AEBP2: variants seen among roughly 807,000 people sequenced by gnomAD.
AEBP2 encodes AE binding protein 2, also known as zinc finger protein AEBP2.
In AEBP2, 10 loss-of-function variants were observed where a neutral mutation model predicts 50.8. The ratio of observed to expected loss-of-function variants is 0.20; its 90% CI spans 0.12 to 0.33. The LOEUF (loss-of-function observed/expected upper bound fraction) is 0.33. AEBP2 is among the 10% of genes least tolerant of loss of function. The pLI is 1.00. For synonymous variants in AEBP2, 296 were observed against 261.3 expected (o/e 1.13, Z -1.28); for missense variants, 570 against 688.0 (o/e 0.83, Z 1.92).
chr12:19,457,332 G>A lies in AEBP2; in HGVS notation c.672-5178G>A, dbSNP rs1373807812. 6.9e-5 allele frequency: 103 copies of A among 1,488,826 alleles called. 1 individual carries two copies. Among genetic ancestry groups the A allele is most frequent in the South Asian group, 3.9e-4 (34 of 87,244 alleles). 92.2% of individuals were successfully genotyped at this position (1,488,826 alleles called of 1,614,324 possible). Reference sequence around the variant, plus strand: ...CAGCCTGAGATGTCCCTGTAATCATGTTTTTGATGAAGTCTCTGTGGTTAA... The same window carrying A: ...CAGCCTGAGATGTCCCTGTAATCATATTTTTGATGAAGTCTCTGTGGTTAA... On this transcript the variant is annotated intron_variant, in intron 1 of 7. Coordinates refer to ENST00000266508, the MANE Select transcript of AEBP2 (RefSeq NM_153207.5).
chr12:19,504,488 C>T lies in AEBP2; in HGVS notation c.1299+4267C>T, dbSNP rs143412996. On this transcript the variant is annotated intron_variant, in intron 5 of 7. Coordinates refer to ENST00000266508, the MANE Select transcript of AEBP2 (RefSeq NM_153207.5). The stretch of plus-strand genomic sequence containing the variant: ...ATCTCCTGACCTTGTGATCCACCCA[C>T]CTCGGCCTCCCAAAGCCCTGGGATT... Among the ~76,000 whole-genome samples the T allele has an allele frequency of 7.2e-3, 1,088 of 152,120 alleles. 7 individuals are homozygous for T. Among genetic ancestry groups the T allele is most frequent in the Non-Finnish European group, 0.011 (749 of 68,012 alleles).
At chr12:19,508,999 C>A in intron 5 of AEBP2, 54 of 517,330 alleles carry the variant, frequency 1.0e-4, no homozygotes, top group East Asian at 3.7e-4. Flanking sequence ...GAGTTGTTTA[C>A]CTTTTTACTA....
chr12:19,446,204 C>G (rs913083970), intron 1 of AEBP2: 3 of 152,244 alleles, frequency 2.0e-5, no homozygotes, highest in Admixed American at 6.5e-5. Flanking sequence ...CCATTGCGCC[C>G]CATTTAGTGA....
At chr12:19,459,538 A>G (rs1258509312) in intron 1 of AEBP2, among the ~76,000 whole-genome samples, 2 of 152,104 alleles carry the variant, frequency 1.3e-5, no homozygotes, top group Non-Finnish European at 2.9e-5. Context: ...GCCGGGGGAA[A>G]CTTGAAATTT....
At chr12:19,446,316 C>G (rs1176815859) in intron 1 of AEBP2, among the ~76,000 whole-genome samples, 1 of 152,124 alleles carries the variant, frequency 6.6e-6, no homozygotes, top group Non-Finnish European at 1.5e-5. Context: ...ATGGTGCATT[C>G]AAATTAGAAC....
intron 2 of AEBP2, among the ~76,000 whole-genome samples, chr12:19,471,555 G>A (rs1187113046): frequency 6.6e-6 from 1 of 151,838 alleles, no homozygotes; most frequent in East Asian, 1.9e-4. Context: ...ACACTGGAGT[G>A]CAGTAGTGCC....
chr12:19,414,188 G>A (rs745903236), intron 1 of AEBP2, among the ~76,000 whole-genome samples: 12 of 152,100 alleles, frequency 7.9e-5, no homozygotes, highest in African/African-American at 2.9e-4. Flanking sequence ...CATTGCGCCC[G>A]GCCAACAAGG....
intron 4 of AEBP2, among the ~76,000 whole-genome samples, chr12:19,496,634 C>G (rs75696533): frequency 7.1e-4 from 107 of 149,764 alleles, no homozygotes; most frequent in Non-Finnish European, 1.1e-3. Context: ...ATGTAATTTT[C>G]TGTTTGATAA....
At chr12:19,424,276 G>C (rs550361984) in intron 1 of AEBP2, among the ~76,000 whole-genome samples, 1 of 152,280 alleles carries the variant, frequency 6.6e-6, no homozygotes, top group East Asian at 1.9e-4. Context: ...ACTTGATCAT[G>C]CTCATGAACA....
intron 2 of AEBP2, chr12:19,466,974 T>A: frequency 4.6e-6 from 1 of 217,070 alleles, no homozygotes; most frequent in Non-Finnish European, 7.8e-6. Flanking sequence ...TTCCCCCTTT[T>A]AAGTTGTTTA....
intron 1 of AEBP2, chr12:19,440,865 T>A: frequency 8.2e-6 from 9 of 1,104,132 alleles, no homozygotes; most frequent in South Asian, 3.1e-5. Flanking sequence ...TTTTCTCTAC[T>A]TAAACAAAAA....
intron 1 of AEBP2, among the ~76,000 whole-genome samples, chr12:19,442,360 A>G (rs936378653): frequency 1.3e-5 from 2 of 152,186 alleles, no homozygotes; most frequent in African/African-American, 2.4e-5. Context: ...GTGAGCTGAG[A>G]TGGTGCCACT....
intron 5 of AEBP2, among the ~76,000 whole-genome samples, chr12:19,503,154 C>T (rs1949107534): frequency 6.6e-6 from 1 of 152,158 alleles, no homozygotes; most frequent in African/African-American, 2.4e-5. Flanking sequence ...ATAGGAATAG[C>T]ATTGAATCTG....
At chr12:19,414,021 G>A (rs1443455442) in intron 1 of AEBP2, among the ~76,000 whole-genome samples, 1 of 151,860 alleles carries the variant, frequency 6.6e-6, no homozygotes, top group African/African-American at 2.4e-5. Context: ...AACCTCCCGA[G>A]TAGCTGAGAT....
At chr12:19,481,261 C>G (rs904002009) in intron 3 of AEBP2, among the ~76,000 whole-genome samples, 1 of 150,462 alleles carries the variant, frequency 6.6e-6, no homozygotes, top group Non-Finnish European at 1.5e-5. Flanking sequence ...CCACCACACC[C>G]AGCTAAGTTT....
Position 19,440,211 on chromosome 12 carries a change from G to A in AEBP2, c.512G>A (p.Gly171Asp). The A allele has an allele frequency of 6.8e-7, 1 of 1,459,894 alleles. No individual in the cohort carries two copies. The highest frequency in any genetic ancestry group is 2.3e-4 in the Middle Eastern group (1 of 4,306). 90.4% of individuals were successfully genotyped at this position (1,459,894 alleles called of 1,614,324 possible). The change falls in exon 1 of 8, where the codon GGC becomes GAC. Residue 171 changes from glycine (G) to aspartate (D), a missense_variant. By Grantham distance (94) the Gly-to-Asp change is moderately conservative. This residue lies in a region of AEBP2 where 386 missense variants were observed against 336.8 expected (regional missense o/e 1.15). Coordinates refer to ENST00000266508, the MANE Select transcript of AEBP2 (RefSeq NM_153207.5). ...PKGPRGSQGG[G>D]GGGSSSSSVV... Reference sequence around the variant, plus strand: ...GGACCGCGGGGCAGCCAGGGCGGCGGCGGGGGCGGCAGCAGTAGCAGCAGC... The same window carrying A: ...GGACCGCGGGGCAGCCAGGGCGGCGACGGGGGCGGCAGCAGTAGCAGCAGC...
intron 5 of AEBP2, among the ~76,000 whole-genome samples, chr12:19,503,972 C>G (rs970936195): frequency 6.6e-6 from 1 of 152,040 alleles, no homozygotes; most frequent in Non-Finnish European, 1.5e-5. Flanking sequence ...GCTGGGACCA[C>G]AGGCATGAGC....
Position 19,518,828 on chromosome 12 carries a change from TCTCATGGAGTA to T in AEBP2, c.*713_*723del. The T allele has an allele frequency of 1.2e-6, 1 of 835,524 alleles. No individual in the cohort carries two copies. The highest frequency in any genetic ancestry group is 1.8e-6 in the Non-Finnish European group (1 of 563,078). The allele number at this position is 835,524 out of a possible 1,614,324, so 51.8% of individuals were successfully genotyped here. A position where few individuals can be genotyped will look rare whatever the true frequency, so the allele number is the denominator to read the frequency against. ...GGCTCCCTTTTCAGGACTAGGGCTT[TCTCATGGAGTA>T]CAGTATGTTAATATTTACCTATATA... is the stretch of plus-strand genomic sequence containing the variant. On this transcript the variant is annotated 3_prime_UTR_variant, in exon 8 of 8. Transcript: ENST00000266508.
At chr12:19,409,224 C>T (rs1204815863) in intron 1 of AEBP2, among the ~76,000 whole-genome samples, 2 of 151,876 alleles carry the variant, frequency 1.3e-5, no homozygotes, top group African/African-American at 2.4e-5. Flanking sequence ...TTAGTGTTGC[C>T]CTGAGAGGTG....
Sources: gnomAD v4.1 joint callset for allele counts (sites outside exome capture counted in the v4.1 genomes callset) on GRCh38, gnomAD v4.1.1 for gene constraint, gnomAD v4.1.1 regional missense constraint, MANE v1.5 for transcripts, NCBI Gene and HGNC (gene_info 2026-07-23, HGNC 2026-07-21) for gene names.